The following DOCK4 variants were observed in gnomAD, a reference collection of about 807,000 sequenced individuals.
DOCK4 encodes dedicator of cytokinesis protein 4.
DOCK4 carries 97 observed loss-of-function variants against 268.1 expected under a neutral mutation model. The observed-to-expected ratio is 0.36, with a 90% CI of 0.31 to 0.43. The LOEUF is 0.43. Among genes scored for constraint, DOCK4 ranks in the 20% least tolerant of loss-of-function variants. The pLI, the probability that DOCK4 is intolerant of heterozygous loss-of-function variation, is 1.00. For synonymous variants in DOCK4, 954 were observed against 887.2 expected, an observed-to-expected ratio of 1.08 and a Z score of -1.34; for missense variants, 2,145 against 2,455.7, an observed-to-expected ratio of 0.87 and a Z score of 2.67.
chr7:112,031,489 T>G (rs550250594), intron 1 of DOCK4, among the ~76,000 whole-genome samples: 12 of 152,322 alleles, frequency 7.9e-5, no homozygotes, highest in Admixed American at 4.6e-4. Context: ...TGTTAAAGAC[T>G]GATCACATCT....
chr7:112,195,419 T>C (rs2116831682), intron 1 of DOCK4, among the ~76,000 whole-genome samples: 1 of 152,350 alleles, frequency 6.6e-6, no homozygotes, highest in South Asian at 2.1e-4. Flanking sequence ...CTCTTCATTC[T>C]TTATAGAACT....
intron 47 of DOCK4, 51 bp from the exon 48 acceptor site, chr7:111,739,528 G>C (rs1467130459): frequency 1.4e-6 from 2 of 1,417,216 alleles, no homozygotes; most frequent in East Asian, 2.5e-5. Flanking sequence ...GGCTTCCCAC[G>C]ACACTGACGT....
intron 1 of DOCK4, among the ~76,000 whole-genome samples, chr7:112,162,801 A>G (rs930029434): frequency 6.6e-6 from 1 of 152,230 alleles, no homozygotes; most frequent in Non-Finnish European, 1.5e-5. Context: ...CCTTGAAAAA[A>G]GAAGCCATAG....
intron 41 of DOCK4, 68 bp downstream of exon 41, chr7:111,758,556 A>G (rs1797186437): frequency 2.6e-6 from 4 of 1,541,672 alleles, no homozygotes; most frequent in Non-Finnish European, 3.6e-6. Context: ...AATATTTACC[A>G]AGGGCTGTGC....
intron 12 of DOCK4, among the ~76,000 whole-genome samples, chr7:111,919,206 GA>G (rs1792886725): frequency 6.6e-6 from 1 of 152,056 alleles, no homozygotes; most frequent in African/African-American, 2.4e-5. Context: ...AAGGATAAAA[GA>G]AAACCATTGG....
At chr7:112,134,153 A>G (rs1814086781) in intron 1 of DOCK4, among the ~76,000 whole-genome samples, 1 of 152,162 alleles carries the variant, frequency 6.6e-6, no homozygotes, top group Admixed American at 6.5e-5. Context: ...AATTAGACTA[A>G]GTCTCAGAGT....
At chr7:111,792,851 T>C (rs1799648388) in intron 30 of DOCK4, among the ~76,000 whole-genome samples, 1 of 152,140 alleles carries the variant, frequency 6.6e-6, no homozygotes, top group Non-Finnish European at 1.5e-5. Flanking sequence ...GGCCCCCATC[T>C]CTGGATAATC....
intron 23 of DOCK4, among the ~76,000 whole-genome samples, chr7:111,853,058 T>C (rs1804708867): frequency 6.6e-6 from 1 of 152,188 alleles, no homozygotes. Flanking sequence ...ATTTACTTTT[T>C]TGGTCTACAC....
chr7:111,794,078 G>C (rs879168556), intron 30 of DOCK4, among the ~76,000 whole-genome samples: 1 of 152,088 alleles, frequency 6.6e-6, no homozygotes, highest in South Asian at 2.1e-4. Context: ...GCTGTAGTGG[G>C]GACACAGATG....
At chr7:111,864,261 G>C (rs1180107719) in intron 22 of DOCK4, among the ~76,000 whole-genome samples, 3 of 147,042 alleles carry the variant, frequency 2.0e-5, no homozygotes, top group African/African-American at 7.5e-5. Flanking sequence ...AAAAAAACCC[G>C]ATCATCATTT....
chr7:111,868,128 T>C lies in DOCK4; in HGVS notation c.2136A>G (p.Ile712Met). The change falls in exon 22 of 53, where the codon ATA becomes ATG. Residue 712 changes from isoleucine to methionine, a missense_variant. Ile to Met is a conservative substitution (Grantham distance 10). Around this residue, in one of 2 missense-constraint regions of DOCK4, gnomAD observed 1,598 missense variants for 1,986.7 expected, o/e 0.80. Transcript: ENST00000428084. ...LKAQEYIFKYIVQSRRLFSLA... is the reference protein window; with the variant it reads ...LKAQEYIFKYMVQSRRLFSLA... Reference sequence around the variant, plus strand: ...GGGAAAACAGCCTTCGAGATTGAACTATATACTTAAAAATGTATTCTTGTG... The same window carrying C: ...GGGAAAACAGCCTTCGAGATTGAACCATATACTTAAAAATGTATTCTTGTG... 1 of 1,599,420 alleles carries C rather than the reference T, an allele frequency of 6.3e-7. No individual in the cohort carries two copies. Among genetic ancestry groups the C allele is most frequent in the Non-Finnish European group, 8.5e-7 (1 of 1,175,578 alleles).
intron 1 of DOCK4, among the ~76,000 whole-genome samples, chr7:112,079,490 T>A (rs1328671592): frequency 6.6e-6 from 1 of 152,156 alleles, no homozygotes. Flanking sequence ...AATTATATGA[T>A]CTATGAAGTA....
intron 1 of DOCK4, among the ~76,000 whole-genome samples, chr7:112,014,766 G>A (rs879437857): frequency 7.9e-5 from 12 of 152,070 alleles, no homozygotes; most frequent in South Asian, 4.1e-4. Context: ...TAAGCCAGGC[G>A]TGGTGGTGTG....
intron 1 of DOCK4, among the ~76,000 whole-genome samples, chr7:112,078,293 T>C (rs1057022301): frequency 1.3e-5 from 2 of 152,124 alleles, no homozygotes; most frequent in African/African-American, 4.8e-5. Flanking sequence ...CTACCCCATT[T>C]CTCTCAATAC....
At chr7:112,018,179 A>AAAAAAAAAAAAAAAAAAAAAAACAAC in intron 1 of DOCK4, among the ~76,000 whole-genome samples, 4 of 72,590 alleles carry the variant, frequency 5.5e-5, no homozygotes, top group South Asian at 4.4e-4. Context: ...AAAAAAAAAA[A>AAAAAAAAAAAAAAAAAAAAAAACAAC]ACACAGGCAA....
intron 50 of DOCK4, among the ~76,000 whole-genome samples, chr7:111,736,486 A>C (rs754416662): frequency 7.9e-5 from 12 of 152,196 alleles, no homozygotes; most frequent in Non-Finnish European, 1.8e-4. Flanking sequence ...TAATTGTACA[A>C]GAGCCGTATC....
intron 8 of DOCK4, among the ~76,000 whole-genome samples, chr7:111,970,287 C>A (rs1361642127): frequency 6.6e-6 from 1 of 151,802 alleles, no homozygotes; most frequent in Non-Finnish European, 1.5e-5. Flanking sequence ...AGCTCCACCA[C>A]ATGTGAGCTG....
At chr7:112,069,686 T>C (rs1308150263) in intron 1 of DOCK4, among the ~76,000 whole-genome samples, 1 of 152,046 alleles carries the variant, frequency 6.6e-6, no homozygotes, top group Admixed American at 6.6e-5. Context: ...GGATATACGG[T>C]GACAAGAGCA....
intron 1 of DOCK4, among the ~76,000 whole-genome samples, chr7:112,050,275 G>A (rs1027356918): frequency 2.0e-5 from 3 of 152,074 alleles, no homozygotes; most frequent in African/African-American, 7.2e-5. Flanking sequence ...AGTTTTAAGG[G>A]AGGTCTCCAA....
Sources: allele counts gnomAD v4.1 joint callset (sites outside exome capture counted in the v4.1 genomes callset), GRCh38; gene constraint gnomAD v4.1.1; regional missense constraint gnomAD v4.1.1; transcripts MANE v1.5; gene names NCBI Gene and HGNC (gene_info 2026-07-23, HGNC 2026-07-21).